Variants in FRMPD4 observed in about 807,000 individuals in gnomAD.
FRMPD4 encodes FERM and PDZ domain containing 4.
In FRMPD4, 22 loss-of-function variants were observed where a neutral mutation model predicts 94.1. The ratio of observed to expected loss-of-function variants is 0.23; its 90% CI spans 0.17 to 0.33. FRMPD4 has a LOEUF of 0.33. Among genes scored for constraint, FRMPD4 ranks in the 10% least tolerant of loss-of-function variants. FRMPD4 has a pLI of 1.00. For missense variants in FRMPD4, 1,111 were observed against 1,339.9 expected (o/e 0.83, Z 2.67); for synonymous variants, 631 against 548.6 (o/e 1.15, Z -2.10).
chrX:12,538,348 G>T (rs1305280882), intron 2 of FRMPD4, among the ~76,000 whole-genome samples: 1 of 22,629 alleles, frequency 4.4e-5, no homozygotes, highest in Non-Finnish European at 1.7e-4. Context: ...AATGGGTGGA[G>T]CCCACCACGG....
At chrX:12,140,834 T>C (rs1192215451) in intron 1 of FRMPD4, among the ~76,000 whole-genome samples, 2 of 112,207 alleles carry the variant, frequency 1.8e-5, no homozygotes, top group Non-Finnish European at 3.8e-5. Context: ...GAGTGGTATC[T>C]TATTTTAAAG....
intron 1 of FRMPD4, among the ~76,000 whole-genome samples, chrX:11,855,998 A>C (rs1353905971): frequency 8.9e-6 from 1 of 112,246 alleles, no homozygotes; most frequent in Admixed American, 9.5e-5. Context: ...TAAAGGAATT[A>C]GGTTTAATTG....
intron 1 of FRMPD4, among the ~76,000 whole-genome samples, chrX:12,451,677 T>G (rs889339115): frequency 4.5e-5 from 5 of 110,994 alleles, no homozygotes; most frequent in African/African-American, 1.6e-4. Context: ...GTTTTCAAAT[T>G]TTATATTGCT....
At chrX:12,403,999 A>G (rs1469555805) in intron 1 of FRMPD4, among the ~76,000 whole-genome samples, 1 of 111,881 alleles carries the variant, frequency 8.9e-6, no homozygotes. Flanking sequence ...TTTCATTATG[A>G]ATATTTTCAA....
chrX:12,573,811 T>C (rs1209112030), intron 2 of FRMPD4, among the ~76,000 whole-genome samples: 1 of 112,071 alleles, frequency 8.9e-6, no homozygotes, highest in Non-Finnish European at 1.9e-5. Context: ...AAGTACACAA[T>C]GGCGTTTTTT....
intron 3 of FRMPD4, among the ~76,000 whole-genome samples, chrX:11,891,778 G>C (rs1479560345): frequency 2.7e-5 from 3 of 112,039 alleles, no homozygotes; most frequent in African/African-American, 9.7e-5. Context: ...CTTGTAAAGT[G>C]ATTACATAGT....
intron 1 of FRMPD4, among the ~76,000 whole-genome samples, chrX:12,266,132 CAAAAAAAAAAAAAA>C (rs3990340): frequency 7.8e-5 from 2 of 25,771 alleles, no homozygotes; most frequent in East Asian, 9.5e-4. Context: ...GACTCCGTCT[CAAAAAAAAAAAAAA>C]AAAAAAAAAA....
At position 12,717,277 on chromosome X, in the gene FRMPD4, G is replaced by GT. The variant is rs1156286063; in HGVS notation, c.2674+151dup. The GT allele has an allele frequency of 1.7e-5, 8 of 463,760 alleles. No homozygotes were observed. In the African/African-American group the frequency reaches 2.0e-4, roughly 11 times the overall value. The allele number at this position is 463,760 out of a possible 1,213,427, so 38.2% of individuals were successfully genotyped here. A position where few individuals can be genotyped will look rare whatever the true frequency, so the allele number is the denominator to read the frequency against. On this transcript the variant is annotated intron_variant, in intron 15 of 16. Transcript: ENST00000675598. ...AAATGTGCTGAAACTGCCATCATGG[G>GT]TTTTTTTGTGTGTATGTGATTTCCT...
chrX:12,501,442 G>GT (rs147454207), intron 2 of FRMPD4, among the ~76,000 whole-genome samples: 33,952 of 94,000 alleles, frequency 0.36, 5,080 homozygotes, highest in East Asian at 0.74. Flanking sequence ...TCCTTTCCTT[G>GT]TTTTTTTTTT....
chrX:11,978,713 C>T (rs2054381395), intron 3 of FRMPD4, among the ~76,000 whole-genome samples: 1 of 111,817 alleles, frequency 8.9e-6, no homozygotes, highest in Admixed American at 9.5e-5. Flanking sequence ...TCATGCCCGA[C>T]AATACAAAAC....
intron 3 of FRMPD4, among the ~76,000 whole-genome samples, chrX:12,065,935 G>A (rs1054580089): frequency 8.9e-6 from 1 of 111,836 alleles, no homozygotes; most frequent in African/African-American, 3.2e-5. Flanking sequence ...TCACAAATCA[G>A]CCACTATTGT....
intron 2 of FRMPD4, among the ~76,000 whole-genome samples, chrX:12,552,133 C>T (rs749679689): frequency 2.7e-5 from 3 of 111,604 alleles, no homozygotes; most frequent in Non-Finnish European, 3.8e-5. Context: ...ATTTCCTATC[C>T]CAGACCCAGG....
At chrX:12,641,070 A>T (rs2059495682) in intron 4 of FRMPD4, among the ~76,000 whole-genome samples, 1 of 110,978 alleles carries the variant, frequency 9.0e-6, no homozygotes. Context: ...AAGAAAACAA[A>T]TTTTTCATCA....
chrX:12,347,364 A>G (rs765981231), intron 1 of FRMPD4, among the ~76,000 whole-genome samples: 91 of 110,402 alleles, frequency 8.2e-4, no homozygotes, highest in African/African-American at 3.0e-3. Context: ...CAGCCTCTCA[A>G]GTAGCTAGGT....
At chrX:12,684,807 A>C (rs777304099) in intron 6 of FRMPD4, among the ~76,000 whole-genome samples, 19 of 112,651 alleles carry the variant, frequency 1.7e-4, no homozygotes, top group Non-Finnish European at 3.4e-4. Context: ...AAGCTGCTAC[A>C]GCAGTGTCAG....
At chrX:12,175,806 G>A (rs185531113) in intron 1 of FRMPD4, among the ~76,000 whole-genome samples, 51 of 111,690 alleles carry the variant, frequency 4.6e-4, no homozygotes, top group African/African-American at 1.6e-3. Flanking sequence ...GAGCCACAGC[G>A]CCCGGCCTCA....
chrX:12,302,731 G>A (rs1217707788), intron 1 of FRMPD4, among the ~76,000 whole-genome samples: 2 of 111,712 alleles, frequency 1.8e-5, no homozygotes, highest in Non-Finnish European at 3.8e-5. Flanking sequence ...TAAAATCTTA[G>A]TTTGAAAAAA....
At chrX:11,849,695 C>CA (rs2053608893) in intron 1 of FRMPD4, among the ~76,000 whole-genome samples, 1 of 100,917 alleles carries the variant, frequency 9.9e-6, no homozygotes, top group Non-Finnish European at 1.9e-5. Context: ...TTTTTTTTTC[C>CA]AACAAGTGGT....
chrX:12,528,213 G>T (rs185201858), intron 2 of FRMPD4, among the ~76,000 whole-genome samples: 1 of 110,524 alleles, frequency 9.0e-6, no homozygotes, highest in Admixed American at 9.7e-5. Context: ...TGTGTAGCAG[G>T]ATATCAGAGA....
Sources: allele counts gnomAD v4.1 joint callset (sites outside exome capture counted in the v4.1 genomes callset), GRCh38; gene constraint gnomAD v4.1.1; transcripts MANE v1.5; gene names NCBI Gene and HGNC (gene_info 2026-07-23, HGNC 2026-07-21).